The following CPEB3 variants were observed in gnomAD, a reference collection of about 807,000 sequenced individuals.
CPEB3 encodes cytoplasmic polyadenylation element binding protein 3, also known as cytoplasmic polyadenylation element-binding protein 3.
A neutral mutation model predicts 67.2 loss-of-function variants in CPEB3; 20 were observed. The ratio of observed to expected loss-of-function variants is 0.30; its 90% CI spans 0.21 to 0.43. CPEB3 has a LOEUF of 0.43. Ranked by LOEUF, CPEB3 falls within the 20% of genes least tolerant of loss-of-function variation. The pLI is 1.00. For synonymous variants in CPEB3, 376 were observed against 393.1 expected (o/e 0.96, Z 0.51); for missense variants, 746 against 968.6 (o/e 0.77, Z 3.05).
chr10:92,096,814 G>T (rs538011416), intron 7 of CPEB3, among the ~76,000 whole-genome samples: 1 of 152,222 alleles, frequency 6.6e-6, no homozygotes, highest in East Asian at 1.9e-4. Flanking sequence ...GTGGTGGCAG[G>T]CACCGGTAAT....
intron 4 of CPEB3, among the ~76,000 whole-genome samples, chr10:92,173,754 T>G (rs780211533): frequency 6.6e-6 from 1 of 152,082 alleles, no homozygotes; most frequent in Non-Finnish European, 1.5e-5. Flanking sequence ...ATCTCTTAGG[T>G]CCCTTACCAT....
At chr10:92,198,994 A>G (rs775858717) in intron 2 of CPEB3, among the ~76,000 whole-genome samples, 19 of 152,232 alleles carry the variant, frequency 1.2e-4, no homozygotes, top group Non-Finnish European at 1.9e-4. Flanking sequence ...GAAAACAGAA[A>G]AACTTTTTAG....
intron 6 of CPEB3, among the ~76,000 whole-genome samples, chr10:92,122,510 T>C: frequency 6.6e-6 from 1 of 151,816 alleles, no homozygotes; most frequent in Non-Finnish European, 1.5e-5. Flanking sequence ...TCTCCAAGAT[T>C]TACTCAACAC....
At chr10:92,249,089 G>C (rs1029672982) in intron 1 of CPEB3, among the ~76,000 whole-genome samples, 8 of 150,856 alleles carry the variant, frequency 5.3e-5, no homozygotes, top group African/African-American at 2.0e-4. Flanking sequence ...TAAAATTATA[G>C]CACATAAGGC....
intron 6 of CPEB3, among the ~76,000 whole-genome samples, chr10:92,130,250 C>T (rs1294477217): frequency 6.6e-6 from 1 of 151,752 alleles, no homozygotes; most frequent in African/African-American, 2.4e-5. Flanking sequence ...TAAACTGATG[C>T]CCCCTTTTTA....
At chr10:92,173,589 C>A (rs1488244702) in intron 4 of CPEB3, among the ~76,000 whole-genome samples, 1 of 152,068 alleles carries the variant, frequency 6.6e-6, no homozygotes, top group African/African-American at 2.4e-5. Flanking sequence ...AATAATGTAA[C>A]TACTCTTAAC....
intron 2 of CPEB3, among the ~76,000 whole-genome samples, chr10:92,214,629 T>G (rs1292332003): frequency 6.6e-6 from 1 of 151,974 alleles, no homozygotes; most frequent in Non-Finnish European, 1.5e-5. Flanking sequence ...ATTACAGGCA[T>G]GCACCACGAC....
At chr10:92,205,967 A>G (rs1849767294) in intron 2 of CPEB3, among the ~76,000 whole-genome samples, 1 of 152,124 alleles carries the variant, frequency 6.6e-6, no homozygotes, top group African/African-American at 2.4e-5. Context: ...TTATTAAAAT[A>G]TTTGGTATTT....
At chr10:92,234,588 A>C (rs984750867) in intron 2 of CPEB3, among the ~76,000 whole-genome samples, 1 of 152,196 alleles carries the variant, frequency 6.6e-6, no homozygotes, top group African/African-American at 2.4e-5. Flanking sequence ...CTGTGATCTT[A>C]AGCAAACAGT....
intron 7 of CPEB3, among the ~76,000 whole-genome samples, chr10:92,098,458 C>T (rs1226263318): frequency 6.6e-6 from 1 of 151,830 alleles, no homozygotes; most frequent in Non-Finnish European, 1.5e-5. Context: ...ACAAGGCATG[C>T]ACCACCACGC....
At chr10:92,211,670 G>T (rs1261956831) in intron 2 of CPEB3, among the ~76,000 whole-genome samples, 1 of 151,256 alleles carries the variant, frequency 6.6e-6, no homozygotes. Context: ...CCAAGTAGCT[G>T]GGATTACAGG....
At chr10:92,058,946 C>CA (rs1488264060) in intron 9 of CPEB3, among the ~76,000 whole-genome samples, 2 of 151,932 alleles carry the variant, frequency 1.3e-5, no homozygotes, top group Non-Finnish European at 2.9e-5. Flanking sequence ...TTAAAACATT[C>CA]AAAAAAATTG....
At chr10:92,222,250 T>TG (rs1850740651) in intron 2 of CPEB3, among the ~76,000 whole-genome samples, 1 of 151,810 alleles carries the variant, frequency 6.6e-6, no homozygotes, top group Non-Finnish European at 1.5e-5. Flanking sequence ...TTGCCCAGGC[T>TG]GGTCTCGAAC....
chr10:92,158,230 T>G (rs528224363), intron 4 of CPEB3, among the ~76,000 whole-genome samples: 1 of 152,098 alleles, frequency 6.6e-6, no homozygotes, highest in South Asian at 2.1e-4. Context: ...TATATTTTTT[T>G]AAAAAACCTT....
chr10:92,219,243 T>C (rs1249814276), intron 2 of CPEB3, among the ~76,000 whole-genome samples: 1 of 152,234 alleles, frequency 6.6e-6, no homozygotes, highest in African/African-American at 2.4e-5. Flanking sequence ...GCTTAACTTC[T>C]TGGACTGTAT....
chr10:92,087,399 G>A (rs992278311), intron 8 of CPEB3, among the ~76,000 whole-genome samples: 1 of 152,202 alleles, frequency 6.6e-6, no homozygotes, highest in East Asian at 1.9e-4. Context: ...AAAGATGAAC[G>A]AGAAAACAGT....
intron 1 of CPEB3, among the ~76,000 whole-genome samples, chr10:92,256,483 G>A (rs1373309837): frequency 1.3e-5 from 2 of 151,768 alleles, no homozygotes; most frequent in Admixed American, 6.6e-5. Flanking sequence ...CCGCCTCCTG[G>A]GTTCAAGCAA....
At chr10:92,086,789 T>C (rs369329219) in intron 8 of CPEB3, among the ~76,000 whole-genome samples, 10 of 152,362 alleles carry the variant, frequency 6.6e-5, no homozygotes, top group East Asian at 3.8e-4. Flanking sequence ...GGTTTTATGC[T>C]AATATCACAC....
intron 2 of CPEB3, among the ~76,000 whole-genome samples, chr10:92,228,717 CA>C (rs1851106623): frequency 2.1e-5 from 3 of 145,566 alleles, no homozygotes; most frequent in Non-Finnish European, 3.0e-5. Flanking sequence ...TATATATATA[CA>C]TTTTTTTTTT....
Sources: allele counts gnomAD v4.1 joint callset (sites outside exome capture counted in the v4.1 genomes callset), GRCh38; gene constraint gnomAD v4.1.1; transcripts MANE v1.5; gene names NCBI Gene and HGNC (gene_info 2026-07-23, HGNC 2026-07-21).